Variants in OSMR observed in about 807,000 individuals in gnomAD.
The protein encoded by OSMR is oncostatin M receptor.
Under a neutral mutation model 99.9 loss-of-function variants are expected in OSMR, and 81 were observed. The observed-to-expected ratio is 0.81, with a 90% CI of 0.68 to 0.97. The LOEUF (loss-of-function observed/expected upper bound fraction) is 0.97. OSMR is among the 50% of genes least tolerant of loss of function. The pLI, the probability that OSMR is intolerant of heterozygous loss-of-function variation, is 0.00. For missense variants in OSMR, 1,099 were observed against 1,153.4 expected (o/e 0.95, Z 0.68); for synonymous variants, 406 against 410.4 (o/e 0.99, Z 0.13).
chr5:38,858,156 C>T (rs930164625), intron 1 of OSMR, among the ~76,000 whole-genome samples: 1 of 152,108 alleles, frequency 6.6e-6, no homozygotes, highest in Admixed American at 6.6e-5. Context: ...TTTTGAAATA[C>T]ACAATATGTT....
At chr5:38,936,401 A>C (rs1296147796), downstream of OSMR, among the ~76,000 whole-genome samples, 4 of 152,160 alleles carry the variant, frequency 2.6e-5, no homozygotes, top group Non-Finnish European at 1.5e-5. Context: ...TGGGTGGTGG[A>C]TGGATGGGAC....
intron 1 of OSMR, chr5:38,942,923 A>G: frequency 6.2e-7 from 1 of 1,606,436 alleles, no homozygotes; most frequent in Non-Finnish European, 8.5e-7. Flanking sequence ...GGGAAACCTC[A>G]GAGTAAAGGC....
intron 9 of OSMR, among the ~76,000 whole-genome samples, chr5:38,910,035 C>A (rs1745475588): frequency 6.6e-6 from 1 of 152,220 alleles, no homozygotes; most frequent in African/African-American, 2.4e-5. Flanking sequence ...GCAGAAAAAT[C>A]TACCAACCAA....
At chr5:38,859,206 GT>G (rs985647564) in intron 1 of OSMR, among the ~76,000 whole-genome samples, 2 of 152,112 alleles carry the variant, frequency 1.3e-5, no homozygotes, top group Admixed American at 6.5e-5. Context: ...TTTCTGCTAT[GT>G]TTTTTTCTAG....
At chr5:38,925,441 A>G in intron 15 of OSMR, 70 bp downstream of exon 15, 1 of 1,365,908 alleles carries the variant, frequency 7.3e-7, no homozygotes. Flanking sequence ...AGAAGTGTTG[A>G]CTTAGGCTTT....
At chr5:38,918,041 AC>A (rs1332591692) in intron 10 of OSMR, among the ~76,000 whole-genome samples, 4 of 152,062 alleles carry the variant, frequency 2.6e-5, no homozygotes, top group Non-Finnish European at 4.4e-5. Context: ...CTTCATGACA[AC>A]CTGGAAGGCC....
At position 38,925,255 on chromosome 5, in the gene OSMR, T is replaced by C; in HGVS notation, c.2096T>C (p.Leu699Ser). ...YKIDNPEEKALIVDNLKPESF... is the reference protein window; with the variant it reads ...YKIDNPEEKASIVDNLKPESF... Reference sequence around the variant, plus strand: ...ATTGACAACCCGGAAGAAAAGGCATTGATTGTGGACAACCTAAAGCCAGAA... The same window carrying C: ...ATTGACAACCCGGAAGAAAAGGCATCGATTGTGGACAACCTAAAGCCAGAA... The change falls in exon 15 of 18, where the codon TTG (leucine) becomes TCG (serine). Residue 699 changes from leucine to serine, a missense_variant. Coordinates refer to ENST00000274276, the MANE Select transcript of OSMR (RefSeq NM_003999.3). 1 of 1,614,092 alleles carries C rather than the reference T, an allele frequency of 6.2e-7. No homozygotes were observed. The highest frequency in any genetic ancestry group is 1.1e-5 in the South Asian group (1 of 91,082).
Position 38,876,201 on chromosome 5 carries a change from T to C in OSMR, c.74T>C (p.Val25Ala). 6 of 1,611,110 alleles carry C rather than the reference T, an allele frequency of 3.7e-6. No individual in the cohort carries two copies. Among genetic ancestry groups the C allele is most frequent in the Non-Finnish European group, 5.1e-6 (6 of 1,177,330 alleles). ...LLSLRTYQSE[V>A]LAERLPLTPV... ...TCATACTTCATTTTGATCTTTTCAGTCTTGGCTGAACGTTTACCATTGACT... is the reference window on the plus strand; with the variant it reads ...TCATACTTCATTTTGATCTTTTCAGCCTTGGCTGAACGTTTACCATTGACT... Residue 25 changes from valine (V) to alanine (A), a missense_variant and splice_region_variant, in exon 3 of 18, where the codon GTC becomes GCC. By Grantham distance (64) the Val-to-Ala change is moderately conservative. Coordinates refer to ENST00000274276, the MANE Select transcript of OSMR (RefSeq NM_003999.3).
At chr5:38,850,650 C>T (rs1344988095) in intron 1 of OSMR, among the ~76,000 whole-genome samples, 1 of 152,108 alleles carries the variant, frequency 6.6e-6, no homozygotes, top group Non-Finnish European at 1.5e-5. Flanking sequence ...ACATAAAGAA[C>T]ACTTGGAAAA....
At chr5:38,857,491 T>G (rs975603486) in intron 1 of OSMR, among the ~76,000 whole-genome samples, 2 of 152,186 alleles carry the variant, frequency 1.3e-5, no homozygotes, top group Non-Finnish European at 2.9e-5. Flanking sequence ...ACAAACTCAT[T>G]TGAAATTTTA....
chr5:38,897,386 T>G (rs1744590171), intron 7 of OSMR, among the ~76,000 whole-genome samples: 1 of 152,112 alleles, frequency 6.6e-6, no homozygotes, highest in South Asian at 2.1e-4. Context: ...TAGATTTATG[T>G]GTCTAGGAAT....
At chr5:38,906,516 A>G (rs1745245399) in intron 9 of OSMR, among the ~76,000 whole-genome samples, 1 of 152,196 alleles carries the variant, frequency 6.6e-6, no homozygotes, top group Non-Finnish European at 1.5e-5. Flanking sequence ...GTATTGTAGC[A>G]CTTTTTTGTT....
intron 7 of OSMR, among the ~76,000 whole-genome samples, chr5:38,893,649 CAA>C (rs145883255): frequency 0.021 from 3,174 of 152,148 alleles, 118 homozygotes; most frequent in African/African-American, 0.073. Flanking sequence ...AAAAAATGAA[CAA>C]AGTCTTTAAG....
intron 15 of OSMR, among the ~76,000 whole-genome samples, chr5:38,927,021 A>G (rs897480755): frequency 5.9e-5 from 9 of 152,360 alleles, no homozygotes; most frequent in Admixed American, 5.2e-4. Context: ...TAGGGCAGTC[A>G]TTAAACCTTA....
At chr5:38,867,211 A>G (rs1742017616) in intron 1 of OSMR, among the ~76,000 whole-genome samples, 1 of 152,194 alleles carries the variant, frequency 6.6e-6, no homozygotes, top group African/African-American at 2.4e-5. Flanking sequence ...AGAGGTGCTT[A>G]AAGGAATATA....
intron 1 of OSMR, among the ~76,000 whole-genome samples, chr5:38,854,950 A>G (rs1222428139): frequency 6.6e-6 from 1 of 152,232 alleles, no homozygotes. Flanking sequence ...AGTGCTCCTC[A>G]CTGACAGTAG....
intron 7 of OSMR, among the ~76,000 whole-genome samples, chr5:38,891,413 A>ATTT (rs1744149953): frequency 6.6e-6 from 1 of 152,168 alleles, no homozygotes; most frequent in African/African-American, 2.4e-5. Flanking sequence ...ATGGTCTATA[A>ATTT]ATACTAGCTC....
chr5:38,933,203 A>C lies in OSMR; in HGVS notation c.2699A>C (p.Asn900Thr), dbSNP rs771054782. The C allele has an allele frequency of 6.2e-7, 1 of 1,614,220 alleles. No homozygotes were observed. Among genetic ancestry groups the C allele is most frequent in the South Asian group, 1.1e-5 (1 of 91,080 alleles). The change falls in exon 18 of 18, where the codon AAC (asparagine) becomes ACC (threonine). Residue 900 changes from asparagine to threonine, a missense_variant. Coordinates refer to ENST00000274276, the MANE Select transcript of OSMR (RefSeq NM_003999.3). ...AATGTACTAAAGGCACTAGAAAAAA[A>C]CTACATGAACTCCCTGGGAGAAATC... Reference protein sequence around the residue: ...PENVLKALEKNYMNSLGEIPA... With the variant: ...PENVLKALEKTYMNSLGEIPA...
chr5:38,904,941 G>A (rs747336266), intron 9 of OSMR, among the ~76,000 whole-genome samples: 2 of 152,120 alleles, frequency 1.3e-5, no homozygotes, highest in African/African-American at 2.4e-5. Context: ...CATTTGTTCC[G>A]GTGATGCCAC....
Sources: allele counts gnomAD v4.1 joint callset (sites outside exome capture counted in the v4.1 genomes callset), GRCh38; gene constraint gnomAD v4.1.1; transcripts MANE v1.5; gene names NCBI Gene and HGNC (gene_info 2026-07-23, HGNC 2026-07-21).